The following ZC3H3 variants were observed in gnomAD, a reference collection of about 807,000 sequenced individuals.
The protein encoded by ZC3H3 is zinc finger CCCH-type containing 3, also known as zinc finger CCCH domain-containing protein 3.
A neutral mutation model predicts 77.3 loss-of-function variants in ZC3H3; 36 were observed. That is an observed-to-expected ratio of 0.47 (90% CI 0.36 to 0.61). The LOEUF is 0.61. Ranked by LOEUF, ZC3H3 falls within the 20% of genes least tolerant of loss-of-function variation. ZC3H3 has a pLI of 0.00. For missense variants in ZC3H3, 1,331 were observed against 1,312.2 expected (o/e 1.01, Z -0.22); for synonymous variants, 626 against 555.2 (o/e 1.13, Z -1.79).
intron 10 of ZC3H3, 103 bp from the exon 11 acceptor site, chr8:143,440,466 C>T (rs981662602): frequency 5.5e-5 from 79 of 1,445,350 alleles, no homozygotes; most frequent in Non-Finnish European, 6.7e-5. Flanking sequence ...CGTGGCCCTC[C>T]GTGGTCTCAG....
intron 4 of ZC3H3, among the ~76,000 whole-genome samples, chr8:143,506,444 G>A (rs1259486169): frequency 6.6e-6 from 1 of 152,130 alleles, no homozygotes; most frequent in Non-Finnish European, 1.5e-5. Context: ...GGGGGAAATT[G>A]CATTAGGAAA....
intron 8 of ZC3H3, among the ~76,000 whole-genome samples, chr8:143,466,379 T>C (rs1820409408): frequency 1.3e-5 from 2 of 152,174 alleles, no homozygotes; most frequent in Non-Finnish European, 2.9e-5. Flanking sequence ...AGGGCTGGTG[T>C]GGCACTGGCT....
At chr8:143,467,775 C>T (rs1820450715) in intron 8 of ZC3H3, among the ~76,000 whole-genome samples, 1 of 144,884 alleles carries the variant, frequency 6.9e-6, no homozygotes, top group African/African-American at 2.6e-5. Flanking sequence ...CCCCTCCCTC[C>T]CGCCCTCTGC....
chr8:143,459,795 T>C (rs1177800511), intron 9 of ZC3H3, among the ~76,000 whole-genome samples: 2 of 151,900 alleles, frequency 1.3e-5, no homozygotes, highest in East Asian at 1.9e-4. Flanking sequence ...ACCTAATAAA[T>C]AGGATAGAAG....
chr8:143,475,706 G>A (rs1820715285), intron 4 of ZC3H3, 121 bp from the exon 5 acceptor site: 4 of 1,190,696 alleles, frequency 3.4e-6, no homozygotes, highest in Non-Finnish European at 4.6e-6. Flanking sequence ...AGCACTTGCG[G>A]TGGGTACACA....
chr8:143,540,034 C>T (rs1301646729), intron 1 of ZC3H3, among the ~76,000 whole-genome samples: 1 of 152,202 alleles, frequency 6.6e-6, no homozygotes, highest in African/African-American at 2.4e-5. Context: ...ACAGGCCCTG[C>T]CCCCGGGGGC....
chr8:143,506,355 T>C (rs925708003), intron 4 of ZC3H3, among the ~76,000 whole-genome samples: 2 of 152,240 alleles, frequency 1.3e-5, no homozygotes, highest in African/African-American at 4.8e-5. Flanking sequence ...TCATTCCCGA[T>C]GATCCGGGGC....
In ZC3H3 at chr8:143,530,212, G is replaced by A. The variant is rs1158117291; in HGVS notation, c.1561+6045C>T. Among the ~76,000 whole-genome samples, 1 of 152,060 alleles carries A rather than the reference G, an allele frequency of 6.6e-6. No homozygotes were observed. The highest frequency in any genetic ancestry group is 1.5e-5 in the Non-Finnish European group (1 of 68,004). On this transcript the variant is annotated intron_variant, in intron 3 of 11. Transcript: ENST00000262577. This position sits in a 1 kb window ranked among gnomAD's most constrained non-coding sequence, Gnocchi z 4.3. ...GCCAGGCCCTTTCTGTCCACCACAGGTGTGCCCAGGACCTGCCAGGCCCGC... is the reference window on the plus strand; with the variant it reads ...GCCAGGCCCTTTCTGTCCACCACAGATGTGCCCAGGACCTGCCAGGCCCGC...
Position 143,520,180 on chromosome 8 carries a change from C to G in ZC3H3, c.1562-12281G>C, listed in dbSNP as rs567854911. 2.0e-5 allele frequency among the ~76,000 whole-genome samples: 3 copies of G among 152,356 alleles called. No individual in the cohort carries two copies. The East Asian group carries it at 5.8e-4, about 29-fold the overall frequency. On this transcript the variant is annotated intron_variant, in intron 3 of 11. Coordinates refer to ENST00000262577, the MANE Select transcript of ZC3H3 (RefSeq NM_015117.3). The stretch of plus-strand genomic sequence containing the variant: ...ATGGCCAGCATCATGAAAATGCTGC[C>G]TAGGGGCCACCATGAGAAAGAGGCA...
chr8:143,486,726 C>T (rs1474299442), intron 4 of ZC3H3, among the ~76,000 whole-genome samples: 1 of 151,692 alleles, frequency 6.6e-6, no homozygotes, highest in Non-Finnish European at 1.5e-5. Flanking sequence ...CACCACGAAG[C>T]TCACACACAA....
At chr8:143,451,888 C>A (rs970391742) in intron 9 of ZC3H3, among the ~76,000 whole-genome samples, 1 of 152,206 alleles carries the variant, frequency 6.6e-6, no homozygotes, top group Admixed American at 6.5e-5. Flanking sequence ...CTGTACTTCC[C>A]GCTAAGTGCC....
intron 11 of ZC3H3, among the ~76,000 whole-genome samples, chr8:143,439,273 C>A (rs962492956): frequency 2.0e-5 from 3 of 152,120 alleles, no homozygotes; most frequent in Non-Finnish European, 4.4e-5. Context: ...GGCGGCCCCT[C>A]CGAGGCAGGC....
chr8:143,513,808 G>A (rs1821947382), intron 3 of ZC3H3, among the ~76,000 whole-genome samples: 1 of 152,234 alleles, frequency 6.6e-6, no homozygotes, highest in Non-Finnish European at 1.5e-5. Flanking sequence ...CCTAGTCCGA[G>A]GCACCTCCTG....
chr8:143,440,386 C>A, intron 10 of ZC3H3, 23 bp from the exon 11 acceptor site: 1 of 1,505,876 alleles, frequency 6.6e-7, no homozygotes, highest in Non-Finnish European at 8.9e-7. Flanking sequence ...AAGGGGCAGA[C>A]GTGTGAGGTG....
chr8:143,459,066 A>G (rs1478839720), intron 9 of ZC3H3, among the ~76,000 whole-genome samples: 1 of 152,246 alleles, frequency 6.6e-6, no homozygotes, highest in South Asian at 2.1e-4. Flanking sequence ...AAGAATCAAC[A>G]CCAATTCTTC....
chr8:143,522,837 A>C (rs1414247880), intron 3 of ZC3H3, among the ~76,000 whole-genome samples: 2 of 152,142 alleles, frequency 1.3e-5, no homozygotes, highest in African/African-American at 4.8e-5. Context: ...AGCTGGGAGG[A>C]TCACTTGAGC....
At chr8:143,455,994 A>AG (rs1820108993) in intron 9 of ZC3H3, among the ~76,000 whole-genome samples, 1 of 151,032 alleles carries the variant, frequency 6.6e-6, no homozygotes, top group East Asian at 1.9e-4. Flanking sequence ...AAAAAAAAAA[A>AG]AAAAAAAAGA....
intron 9 of ZC3H3, among the ~76,000 whole-genome samples, chr8:143,463,649 A>C (rs1054486483): frequency 6.6e-6 from 1 of 152,192 alleles, no homozygotes; most frequent in Non-Finnish European, 1.5e-5. Flanking sequence ...TCAGCCGGGG[A>C]GATCCCTTTG....
At position 143,494,147 on chromosome 8, in the gene ZC3H3, G is replaced by A. The variant is rs531197263; in HGVS notation, c.1715+13599C>T. Among the ~76,000 whole-genome samples the A allele has an allele frequency of 2.0e-5, 3 of 152,306 alleles. No homozygotes were observed. Among genetic ancestry groups the A allele is most frequent in the African/African-American group, 7.2e-5 (3 of 41,564 alleles). On this transcript the variant is annotated intron_variant, in intron 4 of 11. Transcript: ENST00000262577. This position sits in a 1 kb window ranked among gnomAD's most constrained non-coding sequence, Gnocchi z 5.3. ...CACAGGCCTCCCCAGGGCCAGGATGGGCCCCAAGACCCCACAGGCTGACCA... is the reference window on the plus strand; with the variant it reads ...CACAGGCCTCCCCAGGGCCAGGATGAGCCCCAAGACCCCACAGGCTGACCA...
Sources: allele counts gnomAD v4.1 joint callset (sites outside exome capture counted in the v4.1 genomes callset), GRCh38; gene constraint gnomAD v4.1.1; non-coding constraint Gnocchi (gnomAD v3.1); transcripts MANE v1.5; gene names NCBI Gene and HGNC (gene_info 2026-07-23, HGNC 2026-07-21).